FMN1: variants seen among roughly 807,000 people sequenced by gnomAD.
The protein encoded by FMN1 is formin-1.
A neutral mutation model predicts 132.4 loss-of-function variants in FMN1; 110 were observed. That is an observed-to-expected ratio of 0.83 (90% confidence interval 0.71 to 0.97). The LOEUF (loss-of-function observed/expected upper bound fraction) is 0.97. FMN1 is among the 50% of genes least tolerant of loss of function. The probability of loss-of-function intolerance (pLI) is 0.00; values close to 1 mark genes in which losing one functional copy is unlikely to be tolerated. For missense variants in FMN1, 1,792 were observed against 1,705.3 expected, an observed-to-expected ratio of 1.05 and a Z score of -0.90; for synonymous variants, 722 against 651.7, an observed-to-expected ratio of 1.11 and a Z score of -1.64.
intron 6 of FMN1, among the ~76,000 whole-genome samples, chr15:33,052,773 C>T (rs939463940): frequency 4.6e-5 from 7 of 152,192 alleles, no homozygotes; most frequent in African/African-American, 1.4e-4. Context: ...CCATTTGATG[C>T]GTTTTCCTCT....
intron 6 of FMN1, among the ~76,000 whole-genome samples, chr15:33,053,456 T>G (rs905049430): frequency 1.3e-5 from 2 of 152,254 alleles, no homozygotes; most frequent in Admixed American, 1.3e-4. Context: ...AGGGGCTGAG[T>G]GCAGCATGCC....
chr15:33,016,059 A>T (rs145675634), intron 6 of FMN1, among the ~76,000 whole-genome samples: 100 of 152,366 alleles, frequency 6.6e-4, no homozygotes, highest in African/African-American at 2.4e-3. Context: ...AATGCACAGC[A>T]AAGTTTGAGA....
chr15:33,013,061 G>A (rs1566824582), intron 6 of FMN1: 1 of 404,404 alleles, frequency 2.5e-6, no homozygotes, highest in South Asian at 1.9e-5. Flanking sequence ...ACTGGCAGAA[G>A]ATTTTAATTA....
intron 16 of FMN1, among the ~76,000 whole-genome samples, chr15:32,871,658 T>C (rs1239680041): frequency 1.3e-5 from 2 of 152,112 alleles, no homozygotes; most frequent in African/African-American, 4.8e-5. Context: ...ATACAAGAAA[T>C]GAAATTATAG....
chr15:32,957,453 GA>G (rs2029937716), intron 9 of FMN1, among the ~76,000 whole-genome samples: 1 of 151,772 alleles, frequency 6.6e-6, no homozygotes, highest in African/African-American at 2.4e-5. Context: ...ATTGACAGGG[GA>G]AACTCTTTAT....
chr15:33,056,729 A>G (rs998168761), intron 6 of FMN1, among the ~76,000 whole-genome samples: 6 of 152,242 alleles, frequency 3.9e-5, no homozygotes, highest in African/African-American at 2.4e-5. Context: ...AACTGGATAA[A>G]TATGTTGCAA....
chr15:33,125,242 A>C (rs1386363363), intron 4 of FMN1, among the ~76,000 whole-genome samples: 1 of 152,184 alleles, frequency 6.6e-6, no homozygotes, highest in Non-Finnish European at 1.5e-5. Context: ...AAATGGAGGA[A>C]ATAACCTCTC....
Position 33,039,777 on chromosome 15 carries a change from G to A in FMN1, c.2161+25180C>T, listed in dbSNP as rs537076903. On this transcript the variant is annotated intron_variant, in intron 6 of 20. Coordinates refer to ENST00000616417, the MANE Select transcript of FMN1 (RefSeq NM_001277313.2). ...ATCTCTGATTCCATTACCACTCGGT[G>A]TCATGAATAATAAAGATTTTGAATG... Among the ~76,000 whole-genome samples the A allele has an allele frequency of 3.1e-3, 469 of 152,186 alleles. 1 individual carries two copies. Among genetic ancestry groups the A allele is most frequent in the Non-Finnish European group, 5.6e-3 (378 of 68,006 alleles).
At chr15:32,934,598 C>CT (rs376553575) in intron 9 of FMN1, among the ~76,000 whole-genome samples, 5,924 of 127,074 alleles carry the variant, frequency 0.047, 297 homozygotes, top group African/African-American at 0.12. Flanking sequence ...AATTTTTTTC[C>CT]TTTTTTTTTT....
Position 33,153,357 on chromosome 15 carries a change from C to A in FMN1, c.1558G>T (p.Val520Phe), listed in dbSNP as rs768174007. The A allele has an allele frequency of 1.3e-6, 2 of 1,536,394 alleles. No homozygotes were observed. Among genetic ancestry groups the A allele is most frequent in the Non-Finnish European group, 1.7e-6 (2 of 1,146,946 alleles). The stretch of plus-strand genomic sequence containing the variant: ...AGCCTTGGAGACAGAGGCGAGGGAA[C>A]AGGTGACGTCTGTTTGTGTGTGCTG... ...QSSTHKQTSP[V>F]PSPLSPRLPS... The change falls in exon 4 of 21, where the codon GTT becomes TTT. Residue 520 changes from valine (V) to phenylalanine (F), a missense_variant. Transcript: ENST00000616417.
chr15:33,041,238 C>G (rs543506144), intron 6 of FMN1, among the ~76,000 whole-genome samples: 2 of 151,926 alleles, frequency 1.3e-5, no homozygotes, highest in East Asian at 1.9e-4. Context: ...ACTTTGAAGC[C>G]TAGGTCTATG....
At chr15:33,008,238 A>G (rs2034521561) in intron 6 of FMN1, among the ~76,000 whole-genome samples, 163 bp from the exon 7 acceptor site, 1 of 152,230 alleles carries the variant, frequency 6.6e-6, no homozygotes, top group South Asian at 2.1e-4. Flanking sequence ...CAAGTAGTTC[A>G]GGGTAAAAGG....
In FMN1 at chr15:32,910,526, T is replaced by C; in HGVS notation, c.3236A>G (p.Asn1079Ser). ...EMKDIQQAIF[N>S]VDDSVVDLET... Reference sequence around the variant, plus strand: ...CAGATCAACCACGGAGTCATCCACATTGAAAATGGCTGCCAAGCACCCAAA... The same window carrying C: ...CAGATCAACCACGGAGTCATCCACACTGAAAATGGCTGCCAAGCACCCAAA... Residue 1079 changes from asparagine to serine, a missense_variant, in exon 11 of 21, where the codon AAT (asparagine) becomes AGT (serine). Around this residue, in one of 3 missense-constraint regions of FMN1, gnomAD observed 1,150 missense variants for 1,043.1 expected, o/e 1.10. Transcript: ENST00000616417. 1.9e-6 allele frequency: 3 copies of C among 1,571,860 alleles called. No individual in the cohort carries two copies. The highest frequency in any genetic ancestry group is 2.6e-6 in the Non-Finnish European group (3 of 1,157,850).
rs1566888327 is a variant in FMN1, at chr15:33,069,991, C to CT, written c.2044-4918dup. 2.4e-3 allele frequency among the ~76,000 whole-genome samples: 141 copies of CT among 59,560 alleles called. 1 individual carries two copies. Among genetic ancestry groups the CT allele is most frequent in the South Asian group, 9.3e-3 (12 of 1,286 alleles). The allele number at this position is 59,560 out of a possible 152,430, so 39.1% of individuals were successfully genotyped here. A position where few individuals can be genotyped will look rare whatever the true frequency, so the allele number is the denominator to read the frequency against. On this transcript the variant is annotated intron_variant, in intron 5 of 20. Coordinates refer to ENST00000616417, the MANE Select transcript of FMN1 (RefSeq NM_001277313.2). ...ACAACAGATCATAAGATCAGTCTTT[C>CT]TCTTTTTTTTTTTTTTTTTTTTTTT...
chr15:33,069,164 A>C (rs1595398968), intron 5 of FMN1, among the ~76,000 whole-genome samples: 1 of 152,176 alleles, frequency 6.6e-6, no homozygotes, highest in African/African-American at 2.4e-5. Context: ...CAGACAAAAC[A>C]ACCTCCAAAC....
intron 4 of FMN1, among the ~76,000 whole-genome samples, chr15:33,121,931 G>C (rs1344894314): frequency 6.6e-6 from 1 of 152,150 alleles, no homozygotes; most frequent in African/African-American, 2.4e-5. Context: ...ACTTAATTAG[G>C]TCTCTCTCAT....
intron 16 of FMN1, among the ~76,000 whole-genome samples, chr15:32,871,023 G>T (rs2059503270): frequency 6.6e-6 from 1 of 152,142 alleles, no homozygotes; most frequent in South Asian, 2.1e-4. Context: ...GGAAGAAAAA[G>T]GCACATACTG....
intron 15 of FMN1, among the ~76,000 whole-genome samples, chr15:32,895,321 TG>T (rs1187156160): frequency 8.2e-6 from 1 of 121,754 alleles, no homozygotes; most frequent in East Asian, 2.3e-4. Flanking sequence ...AAGGAAAAAA[TG>T]AAAAAATGTG....
At chr15:33,020,690 T>TGC (rs2035373297) in intron 6 of FMN1, among the ~76,000 whole-genome samples, 1 of 151,344 alleles carries the variant, frequency 6.6e-6, no homozygotes, top group African/African-American at 2.4e-5. Context: ...TTCATGCATG[T>TGC]GCTCAGTGTC....
Sources: gnomAD v4.1 joint callset for allele counts (sites outside exome capture counted in the v4.1 genomes callset) on GRCh38, gnomAD v4.1.1 for gene constraint, gnomAD v4.1.1 regional missense constraint, MANE v1.5 for transcripts, NCBI Gene and HGNC (gene_info 2026-07-23, HGNC 2026-07-21) for gene names.